Variants in MECOM observed in about 807,000 individuals in gnomAD.
The protein encoded by MECOM is histone-lysine N-methyltransferase MECOM.
MECOM carries 13 observed loss-of-function variants against 116.3 expected under a neutral mutation model. That is an observed-to-expected ratio of 0.11 (90% confidence interval 0.07 to 0.18). MECOM has a LOEUF of 0.18. Ranked by LOEUF, MECOM falls within the 10% of genes least tolerant of loss-of-function variation. The pLI, the probability that MECOM is intolerant of heterozygous loss-of-function variation, is 1.00. For missense variants in MECOM, 1,299 were observed against 1,509.0 expected, an observed-to-expected ratio of 0.86 and a Z score of 2.31; for synonymous variants, 528 against 535.2, an observed-to-expected ratio of 0.99 and a Z score of 0.19.
At chr3:169,335,578 A>G (rs1577754806) in intron 2 of MECOM, among the ~76,000 whole-genome samples, 1 of 152,158 alleles carries the variant, frequency 6.6e-6, no homozygotes, top group Non-Finnish European at 1.5e-5. Context: ...AATCCTCAAT[A>G]TAAGTATGTA....
At chr3:169,513,877 A>G (rs572543035) in intron 1 of MECOM, among the ~76,000 whole-genome samples, 2 of 152,314 alleles carry the variant, frequency 1.3e-5, no homozygotes, top group Admixed American at 1.3e-4. Context: ...CCACCACTGA[A>G]AAATAACTGC....
At chr3:169,121,553 A>G (rs1731034659) in intron 6 of MECOM, among the ~76,000 whole-genome samples, 1 of 152,166 alleles carries the variant, frequency 6.6e-6, no homozygotes, top group African/African-American at 2.4e-5. Context: ...CTGGTGTGCT[A>G]TTTTCACCCT....
chr3:169,478,227 A>G (rs1005266182), intron 1 of MECOM, among the ~76,000 whole-genome samples: 15 of 152,228 alleles, frequency 9.9e-5, no homozygotes, highest in Non-Finnish European at 1.8e-4. Flanking sequence ...AGGATGTTGC[A>G]TGTATCATTA....
chr3:169,493,179 C>A (rs1028477202), intron 1 of MECOM, among the ~76,000 whole-genome samples: 3 of 152,148 alleles, frequency 2.0e-5, no homozygotes, highest in Non-Finnish European at 4.4e-5. Flanking sequence ...CAAAAAGATA[C>A]TTGAACATTT....
chr3:169,111,068 G>T (rs1727222940), intron 9 of MECOM, among the ~76,000 whole-genome samples: 1 of 152,094 alleles, frequency 6.6e-6, no homozygotes, highest in Admixed American at 6.6e-5. Context: ...TGACAAAACT[G>T]CCCATCTTAT....
At chr3:169,089,932 A>G in intron 15 of MECOM, 68 bp downstream of exon 15, 1 of 1,531,018 alleles carries the variant, frequency 6.5e-7, no homozygotes, top group Non-Finnish European at 8.7e-7. Flanking sequence ...ATTGCTTATC[A>G]CAGGAGGAAT....
intron 2 of MECOM, among the ~76,000 whole-genome samples, chr3:169,191,739 AG>A (rs1413877344): frequency 7.8e-5 from 2 of 25,662 alleles, no homozygotes. Flanking sequence ...AAAGAAAGAA[AG>A]AGAAAGAAAG....
chr3:169,174,123 T>TCCCCCCC (rs1744819918), intron 2 of MECOM, among the ~76,000 whole-genome samples: 1 of 152,166 alleles, frequency 6.6e-6, no homozygotes, highest in African/African-American at 2.4e-5. Flanking sequence ...ATTTTCAAAC[T>TCCCCCCC]CCCAGTGATG....
intron 1 of MECOM, among the ~76,000 whole-genome samples, chr3:169,651,438 T>C (rs1577291690): frequency 1.3e-5 from 2 of 152,230 alleles, no homozygotes; most frequent in South Asian, 4.1e-4. Flanking sequence ...GATTTTAGCA[T>C]CTATGTTCAT....
At chr3:169,575,734 T>A (rs1764412110) in intron 1 of MECOM, among the ~76,000 whole-genome samples, 1 of 152,124 alleles carries the variant, frequency 6.6e-6, no homozygotes, top group African/African-American at 2.4e-5. Context: ...CGGATGCAGG[T>A]GTCTCCTTAC....
intron 1 of MECOM, among the ~76,000 whole-genome samples, chr3:169,633,718 G>A (rs148963907): frequency 2.6e-4 from 39 of 152,180 alleles, no homozygotes; most frequent in African/African-American, 5.3e-4. Flanking sequence ...TGGTCTCATC[G>A]TGCCTTGGGT....
At chr3:169,392,897 G>A (rs1279115004) in intron 1 of MECOM, among the ~76,000 whole-genome samples, 1 of 152,106 alleles carries the variant, frequency 6.6e-6, no homozygotes, top group African/African-American at 2.4e-5. Flanking sequence ...ATATTTTGGG[G>A]GGATTATCTA....
chr3:169,413,863 C>T (rs1738040697), intron 1 of MECOM, among the ~76,000 whole-genome samples: 1 of 152,216 alleles, frequency 6.6e-6, no homozygotes, highest in African/African-American at 2.4e-5. Context: ...CAAGCCATCT[C>T]TGAAAGAAAG....
At chr3:169,639,513 C>A (rs1773206892) in intron 1 of MECOM, among the ~76,000 whole-genome samples, 1 of 152,124 alleles carries the variant, frequency 6.6e-6, no homozygotes, top group South Asian at 2.1e-4. Flanking sequence ...ATAATAGAAC[C>A]AGAGTCTTGA....
chr3:169,317,139 A>C (rs937156818), intron 2 of MECOM, among the ~76,000 whole-genome samples: 1 of 152,224 alleles, frequency 6.6e-6, no homozygotes, highest in Admixed American at 6.5e-5. Flanking sequence ...CAGTGGTATC[A>C]GCAATATTAC....
At chr3:169,353,872 G>A (rs1026607024) in intron 2 of MECOM, among the ~76,000 whole-genome samples, 2 of 151,752 alleles carry the variant, frequency 1.3e-5, no homozygotes, top group African/African-American at 4.8e-5. Flanking sequence ...CATTTAAATA[G>A]TATGACATTT....
At chr3:169,122,848 GA>G in intron 5 of MECOM, 121 bp from the exon 6 acceptor site, 1 of 1,137,174 alleles carries the variant, frequency 8.8e-7, no homozygotes, top group East Asian at 2.5e-5. Flanking sequence ...AACTGAGAAG[GA>G]GGGAAGAGCA....
At chr3:169,089,270 T>A in intron 15 of MECOM, 87 bp from the exon 16 acceptor site, 1 of 979,102 alleles carries the variant, frequency 1.0e-6, no homozygotes, top group Non-Finnish European at 1.4e-6. Context: ...TCTATACAAC[T>A]GACAAACTTC....
intron 1 of MECOM, among the ~76,000 whole-genome samples, chr3:169,588,709 T>C (rs887067032): frequency 6.6e-6 from 1 of 152,202 alleles, no homozygotes; most frequent in African/African-American, 2.4e-5. Flanking sequence ...ATTTTAGAAC[T>C]CACAGTTTCC....
Sources: allele counts gnomAD v4.1 joint callset (sites outside exome capture counted in the v4.1 genomes callset), GRCh38; gene constraint gnomAD v4.1.1; transcripts MANE v1.5; gene names NCBI Gene and HGNC (gene_info 2026-07-23, HGNC 2026-07-21).